MAP9: variants seen among roughly 807,000 people sequenced by gnomAD.
MAP9 encodes the protein microtubule associated protein 9.
MAP9 carries 80 observed loss-of-function variants against 75.2 expected under a neutral mutation model. The ratio of observed to expected loss-of-function variants is 1.06; its 90% confidence interval spans 0.89 to 1.28. The LOEUF is 1.28. Ranked by LOEUF, MAP9 falls within the 50% of genes most tolerant of loss-of-function variation. MAP9 has a pLI of 0.00. For synonymous variants in MAP9, 235 were observed against 237.3 expected (o/e 0.99, Z 0.09); for missense variants, 753 against 719.9 (o/e 1.05, Z -0.53).
chr4:155,354,100 T>C (rs137897300), intron 10 of MAP9: 84 of 152,276 alleles, frequency 5.5e-4, no homozygotes, highest in African/African-American at 2.0e-3. Flanking sequence ...GCTATGAACG[T>C]GGTTAACAGA....
At chr4:155,368,495 C>G (rs1732428542) in intron 5 of MAP9, 91 bp downstream of exon 5, 1 of 1,087,822 alleles carries the variant, frequency 9.2e-7, no homozygotes, top group Admixed American at 1.9e-5. Flanking sequence ...CACACACGCA[C>G]ACAAATTCAT....
At chr4:155,350,887 G>A (rs1731482335) in intron 13 of MAP9, 1 of 151,942 alleles carries the variant, frequency 6.6e-6, no homozygotes, top group Non-Finnish European at 1.5e-5. Flanking sequence ...CTTCATTTGT[G>A]TTGTTCAGGA....
chr4:155,368,630 A>G lies in MAP9; in HGVS notation c.664T>C (p.Leu222=). ...GAGAATGCTTTTTTCTCAGCTTCTA[A>G]TTGTATGCCATTCGGCGTTGGAAGG... ...SSLPTPNGIQ[L]EAEKKAFSEN... The change falls in exon 5 of 14, where the codon TTA becomes CTA. Residue 222 remains leucine, a synonymous_variant. Coordinates refer to ENST00000311277, the MANE Select transcript of MAP9 (RefSeq NM_001039580.2). 6.2e-7 allele frequency: 1 copy of G among 1,614,158 alleles called. No individual in the cohort carries two copies. The highest frequency in any genetic ancestry group is 8.5e-7 in the Non-Finnish European group (1 of 1,180,024).
chr4:155,350,993 CCATGTACCTTT>C (rs1731487190), intron 13 of MAP9: 1 of 151,536 alleles, frequency 6.6e-6, no homozygotes, highest in Non-Finnish European at 1.5e-5. Context: ...CATTTTGGTC[CCATGTACCTTT>C]CTAACTACTG....
At position 155,346,421 on chromosome 4, in the gene MAP9, C is replaced by T. The variant is rs1731288760; in HGVS notation, c.*1362G>A. The stretch of plus-strand genomic sequence containing the variant: ...ACGTGTTTGTAACGTTGATATTATG[C>T]AGAGGTCTTGACAGAACTTGGCAGT... On this transcript the variant is annotated 3_prime_UTR_variant, in exon 14 of 14. Coordinates refer to ENST00000311277, the MANE Select transcript of MAP9 (RefSeq NM_001039580.2). The T allele has an allele frequency of 6.6e-6, 1 of 152,102 alleles. No homozygotes were observed. Among genetic ancestry groups the T allele is most frequent in the Non-Finnish European group, 1.5e-5 (1 of 68,012 alleles). 9.4% of individuals were successfully genotyped at this position (152,102 alleles called of 1,614,324 possible). A position where few individuals can be genotyped will look rare whatever the true frequency, so the allele number is the denominator to read the frequency against.
At position 155,355,875 on chromosome 4, in the gene MAP9, G is replaced by C; in HGVS notation, c.1131C>G (p.Thr377=). ...AACTAGATTTCTTCAAAAACTCAGA[G>C]GTCATTAATCTGAAAAGATCCAAAT... The part of the protein sequence containing the change: ...RASSASARLM[T]SEFLKKSSSK... Residue 377 remains threonine (T), a synonymous_variant, in exon 9 of 14, where the codon ACC becomes ACG. Coordinates refer to ENST00000311277, the MANE Select transcript of MAP9 (RefSeq NM_001039580.2). The C allele has an allele frequency of 6.2e-7, 1 of 1,611,046 alleles. No homozygotes were observed. Among genetic ancestry groups the C allele is most frequent in the Non-Finnish European group, 8.5e-7 (1 of 1,178,242 alleles).
rs949975248 is a variant in MAP9, at chr4:155,344,154, G to A, written c.*3629C>T. 7.2e-5 allele frequency: 11 copies of A among 151,874 alleles called. No individual in the cohort carries two copies. Among genetic ancestry groups the A allele is most frequent in the African/African-American group, 2.4e-4 (10 of 41,406 alleles). The allele number at this position is 151,874 out of a possible 1,614,324, so 9.4% of individuals were successfully genotyped here. ...TCTTAGTCCATGACACAGGATTTAA[G>A]AAACTTCATTATTTCCCCTCACTTT... is the stretch of plus-strand genomic sequence containing the variant. On this transcript the variant is annotated 3_prime_UTR_variant, in exon 14 of 14. Coordinates refer to ENST00000311277, the MANE Select transcript of MAP9 (RefSeq NM_001039580.2).
intron 4 of MAP9, among the ~76,000 whole-genome samples, chr4:155,372,447 C>T (rs1020590067): frequency 3.9e-5 from 6 of 152,050 alleles, no homozygotes; most frequent in South Asian, 4.1e-4. Context: ...ACTTGGTCTC[C>T]GTTTCATTCT....
chr4:155,371,523 G>T (rs921849564), intron 4 of MAP9, among the ~76,000 whole-genome samples: 5 of 149,202 alleles, frequency 3.4e-5, no homozygotes, highest in Non-Finnish European at 7.5e-5. Flanking sequence ...TTCCCAAAAA[G>T]AAAAAAAAAT....
chr4:155,343,478 TTATC>T lies in MAP9; in HGVS notation c.*4301_*4304del. On this transcript the variant is annotated 3_prime_UTR_variant, in exon 14 of 14. Transcript: ENST00000311277. ...ATTATTTAATAATTATATAATTATATTATCTCTCTCTGTAATTTGTGTAGTAAAA... is the reference window on the plus strand; with the variant it reads ...ATTATTTAATAATTATATAATTATATTCTCTCTGTAATTTGTGTAGTAAAA... 6.6e-6 allele frequency: 1 copy of T among 151,566 alleles called. No individual in the cohort carries two copies. The highest frequency in any genetic ancestry group is 2.4e-5 in the African/African-American group (1 of 41,410). 9.4% of individuals were successfully genotyped at this position (151,566 alleles called of 1,614,324 possible).
chr4:155,348,811 C>T (rs1731381773), intron 13 of MAP9, among the ~76,000 whole-genome samples: 1 of 152,042 alleles, frequency 6.6e-6, no homozygotes. Flanking sequence ...TTTTGCCTAC[C>T]TTTGTGAGTC....
chr4:155,368,890 T>G, intron 4 of MAP9, 78 bp from the exon 5 acceptor site: 1 of 1,159,712 alleles, frequency 8.6e-7, no homozygotes, highest in Non-Finnish European at 1.2e-6. Context: ...GCTACCATAC[T>G]TCCCTCCTGT....
intron 5 of MAP9, chr4:155,363,083 TAGC>T (rs1473729633): frequency 1.3e-5 from 2 of 152,196 alleles, no homozygotes; most frequent in East Asian, 3.9e-4. Flanking sequence ...ATGTGGAAAA[TAGC>T]AGAGGACAGT....
At chr4:155,362,163 C>T (rs759425230) in intron 5 of MAP9, 22 bp from the exon 6 acceptor site, 4 of 1,344,586 alleles carry the variant, frequency 3.0e-6, no homozygotes, top group South Asian at 1.3e-5. Flanking sequence ...AAAAAAAATA[C>T]ATTTGCCACA....
chr4:155,353,996 G>C lies in MAP9; in HGVS notation c.1381-656C>G, dbSNP rs77631963. On this transcript the variant is annotated intron_variant, in intron 10 of 13. Coordinates refer to ENST00000311277, the MANE Select transcript of MAP9 (RefSeq NM_001039580.2). ...TAAATGACATAAAACCTTAATATTG[G>C]GGTAACATAATTTAGAGGTCAAAGT... Among the ~76,000 whole-genome samples the C allele has an allele frequency of 1.2e-3, 176 of 152,046 alleles. 3 individuals carry two copies. In the East Asian group the frequency reaches 0.025, roughly 21 times the overall value.
intron 13 of MAP9, among the ~76,000 whole-genome samples, chr4:155,351,436 C>A (rs1731504860): frequency 6.7e-6 from 1 of 148,476 alleles, no homozygotes. Context: ...TTCAACTATG[C>A]TTGAAAATCA....
At chr4:155,352,405 G>T in intron 13 of MAP9, 191 bp downstream of exon 13, 1 of 492,662 alleles carries the variant, frequency 2.0e-6, no homozygotes, top group Non-Finnish European at 3.5e-6. Context: ...TGAGGGAATA[G>T]TAGAAACATT....
rs968461687 is a variant in MAP9 at position 155,346,127 on chromosome 4, C to T, written c.*1656G>A. 3 of 152,154 alleles carry T rather than the reference C, an allele frequency of 2.0e-5. No individual in the cohort carries two copies. The highest frequency in any genetic ancestry group is 4.4e-5 in the Non-Finnish European group (3 of 68,030). 9.4% of individuals were successfully genotyped at this position (152,154 alleles called of 1,614,324 possible). On this transcript the variant is annotated 3_prime_UTR_variant, in exon 14 of 14. Coordinates refer to ENST00000311277, the MANE Select transcript of MAP9 (RefSeq NM_001039580.2). ...TACAAAGCTGCCTATGACATCTTAT[C>T]TTGCACATGCACTGCAGCAAGAAGG... is the stretch of plus-strand genomic sequence containing the variant.
At chr4:155,369,880 C>A (rs1302153483) in intron 4 of MAP9, among the ~76,000 whole-genome samples, 2 of 152,174 alleles carry the variant, frequency 1.3e-5, no homozygotes, top group Admixed American at 1.3e-4. Context: ...AATGGGAAGA[C>A]TTTCCATGTA....
Sources: allele counts gnomAD v4.1 joint callset (sites outside exome capture counted in the v4.1 genomes callset), GRCh38; gene constraint gnomAD v4.1.1; transcripts MANE v1.5; gene names NCBI Gene and HGNC (gene_info 2026-07-23, HGNC 2026-07-21).